Variants in TRMT5 observed in about 807,000 individuals in gnomAD.
TRMT5 encodes the protein tRNA (guanine(37)-N(1))-methyltransferase.
In TRMT5, 31 loss-of-function variants were observed where a neutral mutation model predicts 42.2. The observed-to-expected ratio is 0.73, with a 90% confidence interval of 0.55 to 0.99. The LOEUF is 0.99. TRMT5 is among the 50% of genes least tolerant of loss of function. The pLI, the probability that TRMT5 is intolerant of heterozygous loss-of-function variation, is 0.00. For missense variants in TRMT5, 568 were observed against 595.0 expected (o/e 0.95, Z 0.47); for synonymous variants, 198 against 209.6 (o/e 0.94, Z 0.48).
Position 60,977,648 on chromosome 14 carries a change from A to G in TRMT5, c.668-10T>C. 9 of 1,588,836 alleles carry G rather than the reference A, an allele frequency of 5.7e-6. No individual in the cohort carries two copies. Among genetic ancestry groups the G allele is most frequent in the Non-Finnish European group, 7.7e-6 (9 of 1,170,182 alleles). On this transcript the variant is annotated splice_polypyrimidine_tract_variant and intron_variant, in intron 2 of 4. Coordinates refer to ENST00000261249, the MANE Select transcript of TRMT5 (RefSeq NM_020810.3). The stretch of plus-strand genomic sequence containing the variant: ...TCAATCATAACCTGGCCTAAAAGAA[A>G]AAATGAAAATCCATAATACTGCCTA...
Position 60,971,622 on chromosome 14 carries a change from C to A in TRMT5, c.*3487G>T. The A allele has an allele frequency of 5.3e-6, 1 of 189,844 alleles. No individual in the cohort carries two copies. Among genetic ancestry groups the A allele is most frequent in the Non-Finnish European group, 1.0e-5 (1 of 95,566 alleles). The allele number at this position is 189,844 out of a possible 1,614,324, so 11.8% of individuals were successfully genotyped here. A position where few individuals can be genotyped will look rare whatever the true frequency, so the allele number is the denominator to read the frequency against. The stretch of plus-strand genomic sequence containing the variant: ...CCCAATGAAGTCCTCATCTGATGCT[C>A]TGAACAGGGAAAGTTTAGAGGGTTA... On this transcript the variant is annotated 3_prime_UTR_variant, in exon 5 of 5. Transcript: ENST00000261249.
rs751802585 is a variant in TRMT5 at position 60,980,992 on chromosome 14, T to C, written c.-19A>G. On this transcript the variant is annotated 5_prime_UTR_variant, in exon 1 of 5. Coordinates refer to ENST00000261249, the MANE Select transcript of TRMT5 (RefSeq NM_020810.3). ...GCACCATTCCAATTCCCCACGTCGC[T>C]CTGCAGCTGGATCCGCGAGCCGACC... 1.2e-6 allele frequency: 2 copies of C among 1,611,114 alleles called. No individual in the cohort carries two copies. Among genetic ancestry groups the C allele is most frequent in the East Asian group, 2.2e-5 (1 of 44,864 alleles).
rs150202023 is a variant in TRMT5 at position 60,980,297 on chromosome 14, T to C, written c.12-411A>G. 1.4e-3 allele frequency among the ~76,000 whole-genome samples: 216 copies of C among 152,340 alleles called. 1 individual carries two copies. The highest frequency in any genetic ancestry group is 5.0e-3 in the African/African-American group (209 of 41,576). ...AGGATAGTCTCATGGGTGCTTATTG[T>C]GTCAGATACTGCGCTAAATGCTTTA... is the stretch of plus-strand genomic sequence containing the variant. On this transcript the variant is annotated intron_variant, in intron 1 of 4. Transcript: ENST00000261249.
chr14:60,979,763 T>G lies in TRMT5; in HGVS notation c.135A>C (p.Ala45=). Residue 45 remains alanine (A), a synonymous_variant, in exon 2 of 5, where the codon GCA becomes GCC. Coordinates refer to ENST00000261249, the MANE Select transcript of TRMT5 (RefSeq NM_020810.3). ...WTSLTQMLLE[A]PGIFLLGQRK... ...TTTGACCCAATAAGAAAATACCAGG[T>G]GCTTCCAAAAGCATCTGTGTCAGGG... 1 of 1,614,092 alleles carries G rather than the reference T, an allele frequency of 6.2e-7. No individual in the cohort carries two copies. Among genetic ancestry groups the G allele is most frequent in the Non-Finnish European group, 8.5e-7 (1 of 1,180,014 alleles).
At chr14:60,978,933 G>C (rs994512564) in intron 2 of TRMT5, among the ~76,000 whole-genome samples, 1 of 152,218 alleles carries the variant, frequency 6.6e-6, no homozygotes, top group Non-Finnish European at 1.5e-5. Flanking sequence ...AACAAGTCTT[G>C]TGTACCAAAA....
chr14:60,975,321 T>C lies in TRMT5; in HGVS notation c.1445-127A>G, dbSNP rs1469496355. 8 of 1,305,224 alleles carry C rather than the reference T, an allele frequency of 6.1e-6. 1 individual carries two copies. The African/African-American group carries it at 7.4e-5, about 12-fold the overall frequency. The allele number at this position is 1,305,224 out of a possible 1,614,324, so 80.9% of individuals were successfully genotyped here. ...ACATGAAATAACATTCTTGCAGATTTACTATTTTAATGAAATAGCCTTCTA... is the reference window on the plus strand; with the variant it reads ...ACATGAAATAACATTCTTGCAGATTCACTATTTTAATGAAATAGCCTTCTA... On this transcript the variant is annotated intron_variant, in intron 4 of 4. Transcript: ENST00000261249.
rs957489784 is a variant in TRMT5 at position 60,979,654 on chromosome 14, T to C, written c.244A>G (p.Met82Val). Residue 82 changes from methionine to valine, a missense_variant, in exon 2 of 5, where the codon ATG becomes GTG. By Grantham distance (21) the Met-to-Val change is conservative. Transcript: ENST00000261249. ...LFSPPSDVRG[M>V]TKLDRTAFKK... ...AAAGCTGTTCTATCAAGTTTTGTCA[T>C]GCCTCGGACATCAGAAGGTGGTGAA... 1 of 1,614,068 alleles carries C rather than the reference T, an allele frequency of 6.2e-7. No homozygotes were observed. The highest frequency in any genetic ancestry group is 1.3e-5 in the African/African-American group (1 of 74,938).
chr14:60,977,036 A>T (rs2296925), intron 3 of TRMT5, among the ~76,000 whole-genome samples: 139,198 of 151,490 alleles, frequency 0.92, 64,455 homozygotes, highest in Non-Finnish European at 0.99. Context: ...TTGTATGTAT[A>T]TTTTTTTTCC....
rs912758210 is a variant in TRMT5, at chr14:60,972,571, C to T, written c.*2538G>A. On this transcript the variant is annotated 3_prime_UTR_variant, in exon 5 of 5. Coordinates refer to ENST00000261249, the MANE Select transcript of TRMT5 (RefSeq NM_020810.3). ...TTCTTGCCTCTTCTCCTTCACACTG[C>T]TCCCACGCTTTTTTAATTGACAAAA... The T allele has an allele frequency of 5.7e-6, 2 of 351,510 alleles. No individual in the cohort carries two copies. Among genetic ancestry groups the T allele is most frequent in the African/African-American group, 2.2e-5 (1 of 46,172 alleles). The allele number at this position is 351,510 out of a possible 1,614,324, so 21.8% of individuals were successfully genotyped here.
In TRMT5 at chr14:60,974,035, A is replaced by G. The variant is rs1028928699; in HGVS notation, c.*1074T>C. The G allele has an allele frequency of 6.6e-6, 1 of 152,224 alleles. No homozygotes were observed. The highest frequency in any genetic ancestry group is 2.4e-5 in the African/African-American group (1 of 41,456). The allele number at this position is 152,224 out of a possible 1,614,324, so 9.4% of individuals were successfully genotyped here. On this transcript the variant is annotated 3_prime_UTR_variant, in exon 5 of 5. Transcript: ENST00000261249. The stretch of plus-strand genomic sequence containing the variant: ...TGGTAATGTCAATGGTTATTCTTTT[A>G]GCTTAGCTATATAGATGCTTTGTCG...
chr14:60,975,636 G>A lies in TRMT5; in HGVS notation c.1283C>T (p.Ala428Val), dbSNP rs45604437. 1.7e-3 allele frequency: 2,725 copies of A among 1,614,186 alleles called. 7 individuals carry two copies. The highest frequency in any genetic ancestry group is 1.9e-3 in the Non-Finnish European group (2,238 of 1,180,034). Residue 428 changes from alanine to valine, a missense_variant, in exon 4 of 5, where the codon GCT (alanine) becomes GTT (valine). Coordinates refer to ENST00000261249, the MANE Select transcript of TRMT5 (RefSeq NM_020810.3). ...CYSFSKDANP[A>V]EDVRQRAGAV... ...TCCAGCCCTTTGCCGAACATCCTCA[G>A]CAGGGTTAGCATCTTTGGAAAAGCT... is the stretch of plus-strand genomic sequence containing the variant.
At position 60,973,513 on chromosome 14, in the gene TRMT5, A is replaced by G. The variant is rs1273815629; in HGVS notation, c.*1596T>C. 1 of 152,250 alleles carries G rather than the reference A, an allele frequency of 6.6e-6. No individual in the cohort carries two copies. The highest frequency in any genetic ancestry group is 1.5e-5 in the Non-Finnish European group (1 of 68,056). The allele number at this position is 152,250 out of a possible 1,614,324, so 9.4% of individuals were successfully genotyped here. On this transcript the variant is annotated 3_prime_UTR_variant, in exon 5 of 5. Transcript: ENST00000261249. Reference sequence around the variant, plus strand: ...GTGCTAAACCATTCACGAGGGCCACATATAAGGGCTCACACCTGTAACCTT... The same window carrying G: ...GTGCTAAACCATTCACGAGGGCCACGTATAAGGGCTCACACCTGTAACCTT...
Position 60,974,972 on chromosome 14 carries a change from G to T in TRMT5, c.*137C>A. The T allele has an allele frequency of 2.0e-6, 1 of 503,326 alleles. No homozygotes were observed. Among genetic ancestry groups the T allele is most frequent in the Non-Finnish European group, 3.4e-6 (1 of 291,024 alleles). 31.2% of individuals were successfully genotyped at this position (503,326 alleles called of 1,614,324 possible). A position where few individuals can be genotyped will look rare whatever the true frequency, so the allele number is the denominator to read the frequency against. On this transcript the variant is annotated 3_prime_UTR_variant, in exon 5 of 5. Transcript: ENST00000261249. ...GCCTTAGTTCAGTTAAAGTTTAATT[G>T]GTAATCCTCAATTTGTAAAATAAGG...
chr14:60,973,395 G>C lies in TRMT5; in HGVS notation c.*1714C>G, dbSNP rs2036803563. ...GGAGAAGGCACTTCACATGGCGAAG[G>C]CAGGAGCAAGAGAGTGTGGGGGGCG... On this transcript the variant is annotated 3_prime_UTR_variant, in exon 5 of 5. Coordinates refer to ENST00000261249, the MANE Select transcript of TRMT5 (RefSeq NM_020810.3). 1 of 152,264 alleles carries C rather than the reference G, an allele frequency of 6.6e-6. No homozygotes were observed. Among genetic ancestry groups the C allele is most frequent in the African/African-American group, 2.4e-5 (1 of 41,434 alleles). 9.4% of individuals were successfully genotyped at this position (152,264 alleles called of 1,614,324 possible).
Position 60,974,360 on chromosome 14 carries a change from T to C in TRMT5, c.*749A>G, listed in dbSNP as rs2036816213. The C allele has an allele frequency of 2.0e-5, 3 of 152,212 alleles. No homozygotes were observed. The highest frequency in any genetic ancestry group is 2.1e-4 in the South Asian group (1 of 4,830). The allele number at this position is 152,212 out of a possible 1,614,324, so 9.4% of individuals were successfully genotyped here. On this transcript the variant is annotated 3_prime_UTR_variant, in exon 5 of 5. Coordinates refer to ENST00000261249, the MANE Select transcript of TRMT5 (RefSeq NM_020810.3). ...TTCAGCAGCACATATACTAAAAAACTGGAATGGTACAGAGAAGATCAGAAT... is the reference window on the plus strand; with the variant it reads ...TTCAGCAGCACATATACTAAAAAACCGGAATGGTACAGAGAAGATCAGAAT...
chr14:60,979,196 C>T, intron 2 of TRMT5, 35 bp downstream of exon 2: 1 of 1,507,406 alleles, frequency 6.6e-7, no homozygotes, highest in Non-Finnish European at 8.9e-7. Context: ...TGCAAATTCC[C>T]TTCAAATACA....
chr14:60,981,318 G>A (rs1206262654), upstream of TRMT5: 1 of 1,610,708 alleles, frequency 6.2e-7, no homozygotes, highest in East Asian at 2.2e-5. Flanking sequence ...GAGCGGGGCT[G>A]GTATGTCTCT....
Position 60,975,207 on chromosome 14 carries a change from C to A in TRMT5, c.1445-13G>T. 6.3e-7 allele frequency: 1 copy of A among 1,587,986 alleles called. No homozygotes were observed. The highest frequency in any genetic ancestry group is 1.4e-5 in the African/African-American group (1 of 73,376). On this transcript the variant is annotated splice_polypyrimidine_tract_variant and intron_variant, in intron 4 of 4. Transcript: ENST00000261249. ...TCTTCATGATTCTCTGTAATAAATCCAGAAAACCTATTTTAGGTAAGATAT... is the reference window on the plus strand; with the variant it reads ...TCTTCATGATTCTCTGTAATAAATCAAGAAAACCTATTTTAGGTAAGATAT...
At chr14:60,979,954 T>G in intron 1 of TRMT5, 68 bp from the exon 2 acceptor site, 1 of 1,456,446 alleles carries the variant, frequency 6.9e-7, no homozygotes, top group Non-Finnish European at 9.1e-7. Context: ...TTCTACTATC[T>G]CAAATAACGG....
Sources: gnomAD v4.1 joint callset for allele counts (sites outside exome capture counted in the v4.1 genomes callset) on GRCh38, gnomAD v4.1.1 for gene constraint, MANE v1.5 for transcripts, NCBI Gene and HGNC (gene_info 2026-07-23, HGNC 2026-07-21) for gene names.